NCKAP5: variants seen among roughly 807,000 people sequenced by gnomAD.
The protein encoded by NCKAP5 is nck-associated protein 5.
In NCKAP5, 92 loss-of-function variants were observed where a neutral mutation model predicts 167.0. The ratio of observed to expected loss-of-function variants is 0.55; its 90% CI spans 0.47 to 0.66. The LOEUF (loss-of-function observed/expected upper bound fraction) is 0.66, where lower values mean the gene tolerates loss of function less well. NCKAP5 is among the 30% of genes least tolerant of loss of function. NCKAP5 has a pLI of 0.00. For synonymous variants in NCKAP5, 891 were observed against 877.4 expected, an observed-to-expected ratio of 1.02 and a Z score of -0.27; for missense variants, 2,378 against 2,315.0, an observed-to-expected ratio of 1.03 and a Z score of -0.56.
intron 5 of NCKAP5, among the ~76,000 whole-genome samples, chr2:133,202,308 T>C (rs2085731444): frequency 6.6e-6 from 1 of 152,166 alleles, no homozygotes; most frequent in Non-Finnish European, 1.5e-5. Flanking sequence ...ATTTAATAAA[T>C]GGTGCTGGGA....
chr2:132,756,446 G>C (rs1272613608), intron 16 of NCKAP5, among the ~76,000 whole-genome samples: 1 of 152,132 alleles, frequency 6.6e-6, no homozygotes, highest in Non-Finnish European at 1.5e-5. Context: ...GACACGCAGA[G>C]AGACAGAGAT....
chr2:133,615,318 A>G, the NCKAP5 span, among the ~76,000 whole-genome samples: 2 of 151,386 alleles, frequency 1.3e-5, no homozygotes, highest in Admixed American at 1.3e-4. Flanking sequence ...TTAAATGTAA[A>G]TGGACTAAAT....
At chr2:133,658,397 T>A in the NCKAP5 span, among the ~76,000 whole-genome samples, 1 of 152,026 alleles carries the variant, frequency 6.6e-6, no homozygotes, top group Non-Finnish European at 1.5e-5. Flanking sequence ...GGAAAACAGG[T>A]CATGTGAAAT....
intron 3 of NCKAP5, among the ~76,000 whole-genome samples, chr2:133,352,652 TG>T (rs1028700490): frequency 6.6e-6 from 1 of 152,116 alleles, no homozygotes; most frequent in Non-Finnish European, 1.5e-5. Context: ...TGGGGATGGG[TG>T]GACTGAGGGC....
At chr2:133,143,806 C>T (rs2083087485) in intron 5 of NCKAP5, among the ~76,000 whole-genome samples, 1 of 146,800 alleles carries the variant, frequency 6.8e-6, no homozygotes, top group Admixed American at 6.8e-5. Context: ...GCACTATTCC[C>T]AACCAGATTT....
chr2:132,951,162 G>A (rs532405935), intron 8 of NCKAP5, among the ~76,000 whole-genome samples: 86 of 152,168 alleles, frequency 5.7e-4, no homozygotes, highest in African/African-American at 2.1e-3. Context: ...ATCTTCTTTA[G>A]AAACACAGTC....
intron 8 of NCKAP5, among the ~76,000 whole-genome samples, chr2:132,883,671 T>C (rs910792462): frequency 7.2e-5 from 11 of 152,176 alleles, no homozygotes; most frequent in Non-Finnish European, 1.3e-4. Context: ...GGCTTTCTCA[T>C]TTCCTCGGTG....
intron 4 of NCKAP5, among the ~76,000 whole-genome samples, chr2:133,244,718 A>G (rs2150312742): frequency 6.6e-6 from 1 of 152,272 alleles, no homozygotes; most frequent in South Asian, 2.1e-4. Flanking sequence ...AAGTATGGGA[A>G]AAGTCTTCTC....
At chr2:133,308,284 T>C in intron 3 of NCKAP5, among the ~76,000 whole-genome samples, 1 of 151,626 alleles carries the variant, frequency 6.6e-6, no homozygotes, top group Admixed American at 6.6e-5. Context: ...GAGACGGGGT[T>C]TCACCATTTT....
At chr2:133,250,434 G>T (rs2088253213) in intron 4 of NCKAP5, among the ~76,000 whole-genome samples, 1 of 151,952 alleles carries the variant, frequency 6.6e-6, no homozygotes, top group Admixed American at 6.6e-5. Context: ...TGGTTCCTCT[G>T]CCTCATCCTG....
In NCKAP5 at chr2:132,783,744, G is replaced by A. The variant is rs868134005; in HGVS notation, c.3067C>T (p.His1023Tyr). Residue 1023 changes from histidine to tyrosine, a missense_variant, in exon 14 of 20, where the codon CAT becomes TAT. Around this residue, in one of 3 missense-constraint regions of NCKAP5, gnomAD observed 1,325 missense variants for 1,274.5 expected, o/e 1.04. Transcript: ENST00000409261. ...ACGGTGAAGGAGCTGGAGGGGGCAT[G>A]AGCAGGGCATCGGGTTTGAATGACT... Reference protein sequence around the residue: ...EAVIQTRCPAHAPSSSFTVMA... With the variant: ...EAVIQTRCPAYAPSSSFTVMA... The A allele has an allele frequency of 6.2e-7, 1 of 1,604,374 alleles. No homozygotes were observed. Among genetic ancestry groups the A allele is most frequent in the South Asian group, 1.1e-5 (1 of 89,362 alleles).
intron 10 of NCKAP5, among the ~76,000 whole-genome samples, chr2:132,863,753 G>A (rs957827011): frequency 1.3e-5 from 2 of 152,148 alleles, no homozygotes; most frequent in Non-Finnish European, 2.9e-5. Context: ...AATCGCTTGC[G>A]TTGTTTTTAA....
intron 19 of NCKAP5, among the ~76,000 whole-genome samples, chr2:132,699,214 G>C (rs1177024032): frequency 6.6e-6 from 1 of 152,208 alleles, no homozygotes; most frequent in African/African-American, 2.4e-5. Flanking sequence ...ATAGTAGACA[G>C]TGATATAAAT....
the NCKAP5 span, among the ~76,000 whole-genome samples, chr2:133,582,500 C>T: frequency 6.6e-6 from 1 of 152,202 alleles, no homozygotes; most frequent in Non-Finnish European, 1.5e-5. Context: ...AAGGGTGTTA[C>T]TATCAGTTAA....
chr2:133,055,139 G>T (rs957768847), intron 6 of NCKAP5, among the ~76,000 whole-genome samples: 1 of 152,162 alleles, frequency 6.6e-6, no homozygotes, highest in African/African-American at 2.4e-5. Context: ...TTCTCTAAGA[G>T]TCTTGAGTTG....
At chr2:132,826,338 T>C (rs1440164440) in intron 11 of NCKAP5, among the ~76,000 whole-genome samples, 2 of 152,198 alleles carry the variant, frequency 1.3e-5, no homozygotes, top group Non-Finnish European at 2.9e-5. Context: ...ATTCTTTTGG[T>C]ATTCCATTTG....
At chr2:132,969,301 G>A (rs2076761347) in intron 7 of NCKAP5, among the ~76,000 whole-genome samples, 1 of 152,150 alleles carries the variant, frequency 6.6e-6, no homozygotes, top group South Asian at 2.1e-4. Flanking sequence ...GCCTCCCAAA[G>A]TGCTGGATTA....
At chr2:133,580,381 A>G in the NCKAP5 span, among the ~76,000 whole-genome samples, 1 of 152,168 alleles carries the variant, frequency 6.6e-6, no homozygotes, top group South Asian at 2.1e-4. Flanking sequence ...AGCTCTGTGT[A>G]TTATTCAGAT....
Position 132,755,863 on chromosome 2 carries a change from T to TAATAATAAC in NCKAP5, c.5128+17952_5128+17953insGTTATTATT, listed in dbSNP as rs1680507412. ...AAAATGCTAAATGGCAAAATAATAA[T>TAATAATAAC]AATAATAATAATAATAATAACTATA... is the stretch of plus-strand genomic sequence containing the variant. On this transcript the variant is annotated intron_variant, in intron 16 of 19. Transcript: ENST00000409261. 2.0e-5 allele frequency among the ~76,000 whole-genome samples: 3 copies of TAATAATAAC among 148,140 alleles called. No individual in the cohort carries two copies. In the Admixed American group the frequency reaches 2.0e-4, roughly 10 times the overall value.
Sources: gnomAD v4.1 joint callset for allele counts (sites outside exome capture counted in the v4.1 genomes callset) on GRCh38, gnomAD v4.1.1 for gene constraint, gnomAD v4.1.1 regional missense constraint, MANE v1.5 for transcripts, NCBI Gene and HGNC (gene_info 2026-07-23, HGNC 2026-07-21) for gene names.